ADD2: variants seen among roughly 807,000 people sequenced by gnomAD.
ADD2 encodes the protein beta-adducin.
Under a neutral mutation model 83.0 loss-of-function variants are expected in ADD2, and 23 were observed. The observed-to-expected ratio is 0.28, with a 90% CI of 0.20 to 0.39. The LOEUF (loss-of-function observed/expected upper bound fraction) is 0.39, where lower values mean the gene tolerates loss of function less well. Ranked by LOEUF, ADD2 falls within the 10% of genes least tolerant of loss-of-function variation. The probability of loss-of-function intolerance (pLI) is 1.00; values close to 1 mark genes in which losing one functional copy is unlikely to be tolerated. For missense variants in ADD2, 758 were observed against 944.9 expected (o/e 0.80, Z 2.59); for synonymous variants, 375 against 375.4 (o/e 1.00, Z 0.01).
chr2:70,681,373 C>T (rs1439061199), intron 10 of ADD2, among the ~76,000 whole-genome samples: 1 of 152,180 alleles, frequency 6.6e-6, no homozygotes, highest in East Asian at 1.9e-4. Flanking sequence ...ATCTTCCTGG[C>T]ACAGTGGCTC....
At chr2:70,692,670 T>C in intron 6 of ADD2, 118 bp from the exon 7 acceptor site, 2 of 1,136,644 alleles carry the variant, frequency 1.8e-6, no homozygotes, top group Non-Finnish European at 1.2e-6. Flanking sequence ...CCAGACACCA[T>C]GAGCAATGAC....
intron 4 of ADD2, among the ~76,000 whole-genome samples, chr2:70,696,742 A>G (rs1049213493): frequency 6.6e-6 from 1 of 152,222 alleles, no homozygotes; most frequent in African/African-American, 2.4e-5. Context: ...CTCTGAGTGG[A>G]AACATGGGTA....
chr2:70,692,915 G>T (rs1273950438), intron 6 of ADD2, among the ~76,000 whole-genome samples: 1 of 152,142 alleles, frequency 6.6e-6, no homozygotes, highest in Non-Finnish European at 1.5e-5. Context: ...CACACATGGG[G>T]TAGCAAAGTG....
intron 4 of ADD2, among the ~76,000 whole-genome samples, chr2:70,699,472 T>C (rs1553373233): frequency 6.6e-6 from 1 of 152,106 alleles, no homozygotes; most frequent in Non-Finnish European, 1.5e-5. Context: ...GGCAATGCTA[T>C]AGGAAGTTTA....
At chr2:70,701,279 C>T (rs1355192494) in intron 4 of ADD2, among the ~76,000 whole-genome samples, 2 of 151,882 alleles carry the variant, frequency 1.3e-5, no homozygotes, top group Admixed American at 1.3e-4. Context: ...AACTCATCAC[C>T]TCAATAGTTC....
At chr2:70,682,199 G>C (rs935174655) in intron 10 of ADD2, among the ~76,000 whole-genome samples, 4 of 152,006 alleles carry the variant, frequency 2.6e-5, no homozygotes, top group Admixed American at 6.6e-5. Flanking sequence ...TTTCATCAAC[G>C]TTCAAAGAAA....
At chr2:70,737,189 T>C (rs1673616088) in intron 1 of ADD2, among the ~76,000 whole-genome samples, 1 of 152,080 alleles carries the variant, frequency 6.6e-6, no homozygotes, top group East Asian at 1.9e-4. Flanking sequence ...GATCTAGAAC[T>C]AGAAATACCA....
At chr2:70,686,280 T>C (rs1163819718) in intron 9 of ADD2, among the ~76,000 whole-genome samples, 1 of 152,186 alleles carries the variant, frequency 6.6e-6, no homozygotes, top group Non-Finnish European at 1.5e-5. Flanking sequence ...CTCTCTGCTC[T>C]ACCAGCTGGG....
At chr2:70,679,539 A>C (rs782051966) in intron 10 of ADD2, among the ~76,000 whole-genome samples, 2 of 152,320 alleles carry the variant, frequency 1.3e-5, no homozygotes, top group South Asian at 2.1e-4. Context: ...TCAAAGCTGG[A>C]GCTGACTGCT....
At chr2:70,724,443 C>T (rs3771436) in intron 1 of ADD2, among the ~76,000 whole-genome samples, 80,495 of 152,070 alleles carry the variant, frequency 0.53, 22,883 homozygotes, top group African/African-American at 0.73. Flanking sequence ...TGAAGCAGTG[C>T]ACCTGCCCAG....
chr2:70,760,209 T>C lies in ADD2; in HGVS notation c.-154+7677A>G, dbSNP rs138050636. Among the ~76,000 whole-genome samples, 4 of 152,354 alleles carry C rather than the reference T, an allele frequency of 2.6e-5. No homozygotes were observed. In the East Asian group the frequency reaches 5.8e-4, roughly 22 times the overall value. On this transcript the variant is annotated intron_variant, in intron 1 of 15. Transcript: ENST00000264436. ...AGGTCCATGGTGCCATCTTGAAACC[T>C]ACACGTGCGTGTTTATAACCCTGAA...
intron 4 of ADD2, among the ~76,000 whole-genome samples, chr2:70,696,774 T>G (rs182862435): frequency 1.1e-4 from 17 of 152,314 alleles, no homozygotes; most frequent in Admixed American, 8.5e-4. Context: ...TTATTATTAA[T>G]GAAGAAGTTA....
intron 1 of ADD2, chr2:70,760,681 G>A (rs1451125663): frequency 6.6e-6 from 1 of 152,156 alleles, no homozygotes; most frequent in African/African-American, 2.4e-5. Flanking sequence ...TCTGGGAGCT[G>A]GCTGTGTCCT....
At chr2:70,747,007 ATTTTT>A (rs34113265) in intron 1 of ADD2, among the ~76,000 whole-genome samples, 1 of 121,224 alleles carries the variant, frequency 8.2e-6, no homozygotes, top group South Asian at 2.7e-4. Context: ...TCCAATATGG[ATTTTT>A]TTTTTTTTTT....
chr2:70,679,202 C>A (rs1321562364), intron 10 of ADD2, among the ~76,000 whole-genome samples: 4 of 152,178 alleles, frequency 2.6e-5, no homozygotes, highest in Admixed American at 2.6e-4. Flanking sequence ...CTGAGAAAAT[C>A]CCTAGACCTT....
At chr2:70,672,087 T>G (rs1323198628) in intron 15 of ADD2, among the ~76,000 whole-genome samples, 1 of 152,252 alleles carries the variant, frequency 6.6e-6, no homozygotes, top group Non-Finnish European at 1.5e-5. Flanking sequence ...TCTTTCAAAG[T>G]ATGTTTTCAC....
At chr2:70,696,986 C>T (rs909476900) in intron 4 of ADD2, among the ~76,000 whole-genome samples, 4 of 152,076 alleles carry the variant, frequency 2.6e-5, no homozygotes, top group Non-Finnish European at 2.9e-5. Flanking sequence ...CAGTGAAACC[C>T]CGTCTCTACT....
At chr2:70,726,517 G>C (rs1313022826) in intron 1 of ADD2, among the ~76,000 whole-genome samples, 2 of 152,090 alleles carry the variant, frequency 1.3e-5, no homozygotes, top group African/African-American at 4.8e-5. Flanking sequence ...TTTTTGCTAG[G>C]GGTGAGAAAA....
rs558955549 is a variant in ADD2, at chr2:70,656,864, A to C, written c.*6561T>G. ...CACACACATACAGAAATTCACGGGC[A>C]GAGATGCCACCGCAGCATCACCGTC... is the stretch of plus-strand genomic sequence containing the variant. On this transcript the variant is annotated 3_prime_UTR_variant, in exon 16 of 16. Transcript: ENST00000264436. 6.6e-6 allele frequency: 1 copy of C among 152,216 alleles called. No individual in the cohort carries two copies. Among genetic ancestry groups the C allele is most frequent in the Non-Finnish European group, 1.5e-5 (1 of 68,040 alleles). 9.4% of individuals were successfully genotyped at this position (152,216 alleles called of 1,614,324 possible). A position where few individuals can be genotyped will look rare whatever the true frequency, so the allele number is the denominator to read the frequency against.
Sources: allele counts gnomAD v4.1 joint callset (sites outside exome capture counted in the v4.1 genomes callset), GRCh38; gene constraint gnomAD v4.1.1; transcripts MANE v1.5; gene names NCBI Gene and HGNC (gene_info 2026-07-23, HGNC 2026-07-21).